Variants in FANCL observed in about 807,000 individuals in gnomAD.
The protein encoded by FANCL is FA complementation group L, also known as E3 ubiquitin-protein ligase FANCL.
Under a neutral mutation model 59.4 loss-of-function variants are expected in FANCL, and 69 were observed. That is an observed-to-expected ratio of 1.16 (90% CI 0.96 to 1.42). The LOEUF (loss-of-function observed/expected upper bound fraction) is 1.42, where lower values mean the gene tolerates loss of function less well. Ranked by LOEUF, FANCL falls within the 40% of genes most tolerant of loss-of-function variation. FANCL has a pLI of 0.00. For missense variants in FANCL, 519 were observed against 447.2 expected, an observed-to-expected ratio of 1.16 and a Z score of -1.45; for synonymous variants, 180 against 147.1, an observed-to-expected ratio of 1.22 and a Z score of -1.62.
chr2:58,173,748 C>A (rs1484794013), intron 7 of FANCL, among the ~76,000 whole-genome samples: 2 of 152,098 alleles, frequency 1.3e-5, no homozygotes. Flanking sequence ...AAATAACCAG[C>A]TAACATCATA....
intron 7 of FANCL, among the ~76,000 whole-genome samples, chr2:58,168,845 G>A (rs952385765): frequency 2.0e-5 from 3 of 152,106 alleles, no homozygotes; most frequent in African/African-American, 7.2e-5. Flanking sequence ...AGCTGGAACT[G>A]GGCAGAGCTC....
intron 13 of FANCL, 72 bp from the exon 14 acceptor site, chr2:58,159,872 T>C: frequency 6.3e-7 from 1 of 1,596,804 alleles, no homozygotes; most frequent in Non-Finnish European, 8.5e-7. Context: ...GTACTAGAAA[T>C]AGTGTCATAG....
At chr2:58,198,023 T>C (rs1689598800) in intron 7 of FANCL, among the ~76,000 whole-genome samples, 1 of 150,164 alleles carries the variant, frequency 6.7e-6, no homozygotes, top group Non-Finnish European at 1.5e-5. Context: ...ATCTACAGGC[T>C]GGATGGTGTG....
chr2:58,229,175 GA>G (rs1199417975), intron 3 of FANCL, among the ~76,000 whole-genome samples: 1 of 151,284 alleles, frequency 6.6e-6, no homozygotes, highest in Non-Finnish European at 1.5e-5. Flanking sequence ...AGAAAATCAG[GA>G]AAAAAACACA....
intron 4 of FANCL, among the ~76,000 whole-genome samples, chr2:58,225,492 GC>G (rs1296136966): frequency 2.0e-5 from 3 of 151,912 alleles, no homozygotes; most frequent in Non-Finnish European, 1.5e-5. Flanking sequence ...GTTATTAGAG[GC>G]TAAAATCATT....
intron 1 of FANCL, 25 bp downstream of exon 1, chr2:58,241,193 T>C (rs1420174288): frequency 1.2e-6 from 2 of 1,610,092 alleles, no homozygotes; most frequent in Non-Finnish European, 1.7e-6. Flanking sequence ...CTCTCTTAGC[T>C]AGAAAGCAAC....
At chr2:58,172,267 C>G (rs1686724639) in intron 7 of FANCL, among the ~76,000 whole-genome samples, 1 of 152,216 alleles carries the variant, frequency 6.6e-6, no homozygotes, top group Non-Finnish European at 1.5e-5. Flanking sequence ...CAGCACGCAC[C>G]TGGAGATCTG....
At chr2:58,217,594 TGAAAA>T (rs1691979996) in intron 5 of FANCL, among the ~76,000 whole-genome samples, 1 of 151,684 alleles carries the variant, frequency 6.6e-6, no homozygotes, top group Non-Finnish European at 1.5e-5. Flanking sequence ...TTTCTAGAGA[TGAAAA>T]GAAACATGTC....
chr2:58,202,086 A>C (rs58440082), intron 6 of FANCL, among the ~76,000 whole-genome samples: 2,983 of 151,550 alleles, frequency 0.02, 110 homozygotes, highest in African/African-American at 0.069. Flanking sequence ...TCGCAGGCCC[A>C]ATTTCTTTTT....
At chr2:58,164,666 G>T (rs910566847) in intron 8 of FANCL, among the ~76,000 whole-genome samples, 4 of 151,976 alleles carry the variant, frequency 2.6e-5, no homozygotes, top group African/African-American at 9.7e-5. Flanking sequence ...AATATAGTAA[G>T]TATATTTAAT....
At chr2:58,222,380 G>C (rs1692569504) in intron 4 of FANCL, among the ~76,000 whole-genome samples, 1 of 151,972 alleles carries the variant, frequency 6.6e-6, no homozygotes, top group Admixed American at 6.6e-5. Flanking sequence ...CCATGAATAT[G>C]ATGTTTGATA....
chr2:58,233,738 T>C (rs1025585664), intron 1 of FANCL, among the ~76,000 whole-genome samples: 7 of 150,328 alleles, frequency 4.7e-5, no homozygotes, highest in African/African-American at 1.7e-4. Flanking sequence ...TAAGTAAGTG[T>C]AAAAAAAAAT....
chr2:58,215,963 G>C (rs755624278), intron 5 of FANCL, among the ~76,000 whole-genome samples: 101 of 152,076 alleles, frequency 6.6e-4, no homozygotes, highest in African/African-American at 2.4e-3. Context: ...GGGCCTACCA[G>C]TGAGACAAAG....
At chr2:58,183,283 AGAGATT>A (rs1553443047) in intron 7 of FANCL, among the ~76,000 whole-genome samples, 2 of 151,946 alleles carry the variant, frequency 1.3e-5, no homozygotes, top group Non-Finnish European at 2.9e-5. Flanking sequence ...TCTTAAGTTT[AGAGATT>A]ATTTCACTAA....
At chr2:58,228,872 C>T (rs927692985) in intron 3 of FANCL, among the ~76,000 whole-genome samples, 1 of 152,096 alleles carries the variant, frequency 6.6e-6, no homozygotes, top group Non-Finnish European at 1.5e-5. Flanking sequence ...TATTAGACTA[C>T]ATAAACCATT....
intron 7 of FANCL, among the ~76,000 whole-genome samples, chr2:58,184,184 C>T (rs1042312146): frequency 7.9e-5 from 12 of 152,068 alleles, no homozygotes; most frequent in Middle Eastern, 3.4e-3. Flanking sequence ...AATATGAATA[C>T]ATCCATTAAA....
chr2:58,240,694 T>A (rs1558835976), intron 1 of FANCL, among the ~76,000 whole-genome samples: 1 of 152,204 alleles, frequency 6.6e-6, no homozygotes, highest in Non-Finnish European at 1.5e-5. Flanking sequence ...ATTAATTCCA[T>A]TGCTGTCATG....
chr2:58,167,372 G>A (rs1035461014), intron 7 of FANCL, among the ~76,000 whole-genome samples: 1 of 152,226 alleles, frequency 6.6e-6, no homozygotes, highest in Middle Eastern at 3.4e-3. Context: ...CTCCCAAGAA[G>A]CTAGTTTTAA....
At chr2:58,167,391 C>A (rs1021118757) in intron 7 of FANCL, among the ~76,000 whole-genome samples, 19 of 152,128 alleles carry the variant, frequency 1.2e-4, no homozygotes, top group Admixed American at 1.2e-3. Flanking sequence ...AAAATCAGTA[C>A]AATAGTATAT....
Sources: allele counts gnomAD v4.1 joint callset (sites outside exome capture counted in the v4.1 genomes callset), GRCh38; gene constraint gnomAD v4.1.1; transcripts MANE v1.5; gene names NCBI Gene and HGNC (gene_info 2026-07-23, HGNC 2026-07-21).